The following CACNA1H variants were observed in gnomAD, a reference collection of about 807,000 sequenced individuals.
CACNA1H encodes the protein voltage-dependent T-type calcium channel subunit alpha-1H.
A neutral mutation model predicts 192.5 loss-of-function variants in CACNA1H; 149 were observed. That is an observed-to-expected ratio of 0.77 (90% CI 0.68 to 0.89). The LOEUF (loss-of-function observed/expected upper bound fraction) is 0.89. CACNA1H is among the 40% of genes least tolerant of loss of function. The probability of loss-of-function intolerance (pLI) is 0.00; values close to 1 mark genes in which losing one functional copy is unlikely to be tolerated. For missense variants in CACNA1H, 4,257 were observed against 3,423.5 expected (o/e 1.24, Z -6.08); for synonymous variants, 2,202 against 1,475.2 (o/e 1.49, Z -11.29).
chr16:1,220,652 C>CG lies in CACNA1H; in HGVS notation c.6727dup (p.Asp2243GlyfsTer17), dbSNP rs753624103. On this transcript the variant is annotated frameshift_variant, in exon 35 of 35. Transcript: ENST00000348261. LOFTEE classifies it low-confidence loss of function (END_TRUNC). ...TGGAGCCCACAGAGGGCTCAGGCGC[C>CG]GGGGGGGACCCTGCAGCCAAGGGGG... The CG allele has an allele frequency of 1.1e-5, 18 of 1,603,942 alleles. No individual in the cohort carries two copies. The highest frequency in any genetic ancestry group is 6.7e-5 in the African/African-American group (5 of 74,570).
intron 2 of CACNA1H, chr16:1,159,553 T>G: frequency 1.3e-5 from 2 of 151,130 alleles, no homozygotes; most frequent in African/African-American, 2.4e-5. Context: ...GGAGGCAGAG[T>G]GCGGGTGGGG....
intron 2 of CACNA1H, among the ~76,000 whole-genome samples, chr16:1,160,844 G>A (rs1395267305): frequency 6.6e-6 from 1 of 152,146 alleles, no homozygotes; most frequent in African/African-American, 2.4e-5. Context: ...GCGTTTGGAG[G>A]CCCCGTGCAG....
At chr16:1,165,363 G>A (rs1016398626) in intron 2 of CACNA1H, among the ~76,000 whole-genome samples, 4 of 152,178 alleles carry the variant, frequency 2.6e-5, no homozygotes, top group South Asian at 2.1e-4. Flanking sequence ...TGGTCCTCCC[G>A]GGCCACGCTC....
At position 1,159,328 on chromosome 16, in the gene CACNA1H, C is replaced by T. The variant is rs1045297319; in HGVS notation, c.299+5292C>T. Among the ~76,000 whole-genome samples the T allele has an allele frequency of 3.3e-5, 5 of 151,888 alleles. No individual in the cohort carries two copies. In the East Asian group the frequency reaches 5.8e-4, roughly 18 times the overall value. On this transcript the variant is annotated intron_variant, in intron 2 of 34. Coordinates refer to ENST00000348261, the MANE Select transcript of CACNA1H (RefSeq NM_021098.3). ...GCACAGGAGCCTGTGCGGGAGGAGGCGTTCGGACTGAGACCTGGATGGGGT... is the reference window on the plus strand; with the variant it reads ...GCACAGGAGCCTGTGCGGGAGGAGGTGTTCGGACTGAGACCTGGATGGGGT...
chr16:1,173,858 A>G lies in CACNA1H; in HGVS notation c.299+19822A>G, dbSNP rs183238022. On this transcript the variant is annotated intron_variant, in intron 2 of 34. Coordinates refer to ENST00000348261, the MANE Select transcript of CACNA1H (RefSeq NM_021098.3). The stretch of plus-strand genomic sequence containing the variant: ...GAGTTGTGGACATTAACCTGTGCAC[A>G]CAGTGGGACCTCACGTCACGTGGGG... 4.6e-4 allele frequency among the ~76,000 whole-genome samples: 70 copies of G among 152,162 alleles called. No individual in the cohort carries two copies. The East Asian group carries it at 0.011, about 24-fold the overall frequency.
rs532633797 is a variant in CACNA1H, at chr16:1,158,129, C to A, written c.299+4093C>A. 2.0e-5 allele frequency among the ~76,000 whole-genome samples: 3 copies of A among 152,336 alleles called. No individual in the cohort carries two copies. The East Asian group carries it at 5.8e-4, about 29-fold the overall frequency. ...AGGTGTGGGTTCCCACTGAGCCCTA[C>A]GGCCTACCCACGAGAGGGCTGGATG... is the stretch of plus-strand genomic sequence containing the variant. On this transcript the variant is annotated intron_variant, in intron 2 of 34. Transcript: ENST00000348261.
chr16:1,186,836 CCAT>C (rs1966115351), intron 2 of CACNA1H, among the ~76,000 whole-genome samples: 1 of 152,216 alleles, frequency 6.6e-6, no homozygotes, highest in Admixed American at 6.5e-5. Context: ...GTGACCACCA[CCAT>C]GACCGGCAGA....
intron 2 of CACNA1H, among the ~76,000 whole-genome samples, chr16:1,168,381 G>A (rs1421170482): frequency 2.0e-5 from 3 of 152,140 alleles, no homozygotes; most frequent in African/African-American, 7.2e-5. Flanking sequence ...CCCGGGGCGT[G>A]GTTCTAGGAT....
intron 2 of CACNA1H, among the ~76,000 whole-genome samples, chr16:1,164,154 G>GA (rs1963511067): frequency 6.6e-6 from 1 of 152,200 alleles, no homozygotes; most frequent in Non-Finnish European, 1.5e-5. Context: ...CCCTGACACA[G>GA]AAAACCCAGG....
At chr16:1,172,887 C>T (rs1040197609) in intron 2 of CACNA1H, among the ~76,000 whole-genome samples, 9 of 152,056 alleles carry the variant, frequency 5.9e-5, no homozygotes, top group African/African-American at 1.9e-4. Flanking sequence ...GCCAGGACAG[C>T]CCCGTGGGGA....
intron 2 of CACNA1H, among the ~76,000 whole-genome samples, chr16:1,158,374 G>T (rs942190543): frequency 8.6e-5 from 13 of 151,982 alleles, no homozygotes; most frequent in Admixed American, 6.6e-5. Context: ...TGACGACAGG[G>T]TAGGGGGTCC....
chr16:1,196,058 C>T (rs913393414), intron 5 of CACNA1H, 35 bp downstream of exon 5: 70 of 1,536,942 alleles, frequency 4.6e-5, no homozygotes, highest in Non-Finnish European at 6.1e-5. Context: ...TTGAGATCAA[C>T]AGGCTTGCGT....
chr16:1,156,162 G>A (rs765438582), intron 2 of CACNA1H, among the ~76,000 whole-genome samples: 5 of 152,188 alleles, frequency 3.3e-5, no homozygotes, highest in South Asian at 2.1e-4. Flanking sequence ...CCTCCTCGCC[G>A]CCAGCACCTC....
chr16:1,195,836 C>G (rs112895303), intron 4 of CACNA1H, 90 bp from the exon 5 acceptor site: 9 of 1,081,338 alleles, frequency 8.3e-6, no homozygotes, highest in African/African-American at 7.7e-5. Context: ...CTGGCCGGTT[C>G]TATGCCTGCC....
At chr16:1,168,544 G>C (rs565801126) in intron 2 of CACNA1H, among the ~76,000 whole-genome samples, 3 of 152,114 alleles carry the variant, frequency 2.0e-5, no homozygotes, top group African/African-American at 7.2e-5. Flanking sequence ...CTGGAGGCAG[G>C]GAGGGCTCCC....
intron 31 of CACNA1H, among the ~76,000 whole-genome samples, chr16:1,217,495 G>T (rs541078800): frequency 2.0e-5 from 3 of 152,256 alleles, no homozygotes; most frequent in African/African-American, 7.2e-5. Context: ...TGCCCCTGCC[G>T]GGTTCCACTT....
chr16:1,207,747 G>T (rs778979680), intron 14 of CACNA1H, 23 bp from the exon 15 acceptor site: 11 of 1,575,348 alleles, frequency 7.0e-6, no homozygotes, highest in Non-Finnish European at 8.6e-6. Flanking sequence ...CCTCATGCCT[G>T]CCTTGTGCTT....
At position 1,220,377 on chromosome 16, in the gene CACNA1H, C is replaced by G. The variant is rs752621913; in HGVS notation, c.6445C>G (p.Arg2149Gly). Residue 2149 changes from arginine to glycine, a missense_variant, in exon 35 of 35, where the codon CGG becomes GGG. Transcript: ENST00000348261. ...TCAGGGCTTCCTGGACAAGCCGGGCCGGGCAGACGAGCAGTGGCGGCCCTC... is the reference window on the plus strand; with the variant it reads ...TCAGGGCTTCCTGGACAAGCCGGGCGGGGCAGACGAGCAGTGGCGGCCCTC... ...DAQGFLDKPG[R>G]ADEQWRPSAE... The G allele has an allele frequency of 1.3e-6, 2 of 1,523,016 alleles. No homozygotes were observed. Among genetic ancestry groups the G allele is most frequent in the African/African-American group, 1.4e-5 (1 of 70,374 alleles). The allele number at this position is 1,523,016 out of a possible 1,614,324, so 94.3% of individuals were successfully genotyped here.
At chr16:1,214,495 T>G (rs1450907303) in intron 27 of CACNA1H, among the ~76,000 whole-genome samples, 3 of 151,726 alleles carry the variant, frequency 2.0e-5, no homozygotes, top group Non-Finnish European at 4.4e-5. Context: ...CCTCAGAGGG[T>G]GAGGGGCTCC....
Sources: allele counts gnomAD v4.1 joint callset (sites outside exome capture counted in the v4.1 genomes callset), GRCh38; gene constraint gnomAD v4.1.1; transcripts MANE v1.5; gene names NCBI Gene and HGNC (gene_info 2026-07-23, HGNC 2026-07-21).